CHD5: variants seen among roughly 807,000 people sequenced by gnomAD.
CHD5 encodes chromodomain helicase DNA binding protein 5.
A neutral mutation model predicts 230.3 loss-of-function variants in CHD5; 69 were observed. The ratio of observed to expected loss-of-function variants is 0.30; its 90% CI spans 0.25 to 0.37. The LOEUF (loss-of-function observed/expected upper bound fraction) is 0.37, where lower values mean the gene tolerates loss of function less well. CHD5 is among the 10% of genes least tolerant of loss of function. CHD5 has a pLI of 1.00. For missense variants in CHD5, 1,827 were observed against 2,622.8 expected, an observed-to-expected ratio of 0.70 and a Z score of 6.63; for synonymous variants, 1,064 against 1,065.9, an observed-to-expected ratio of 1.00 and a Z score of 0.03.
intron 17 of CHD5, 40 bp downstream of exon 17, chr1:6,136,477 G>C: frequency 6.2e-7 from 1 of 1,607,316 alleles, no homozygotes; most frequent in East Asian, 2.2e-5. Context: ...GGGCCACCCA[G>C]CCCCACCACC....
Position 6,128,847 on chromosome 1 carries a change from C to T in CHD5, c.3610G>A (p.Asp1204Asn), listed in dbSNP as rs868243347. The change falls in exon 23 of 42, where the codon GAC (aspartate) becomes AAC (asparagine). Residue 1204 changes from aspartate (D) to asparagine (N), a missense_variant. Physicochemically the swap from Asp to Asn is conservative, Grantham distance 23 (BLOSUM62 1). Transcript: ENST00000262450. This position sits in a 1 kb window ranked among gnomAD's most constrained non-coding sequence, Gnocchi z 7.8. ...CGGAACAGAGGCCCACCCTCCACGT[C>T]GTCCTTGAAGAGTTCCTCCGTGCCG... Reference protein sequence around the residue: ...KFGTEELFKDDVEGMMSQGQR... With the variant: ...KFGTEELFKDNVEGMMSQGQR... 1.9e-6 allele frequency: 3 copies of T among 1,608,670 alleles called. No homozygotes were observed. Among genetic ancestry groups the T allele is most frequent in the Non-Finnish European group, 1.7e-6 (2 of 1,176,298 alleles).
Position 6,150,245 on chromosome 1 carries a change from A to C in CHD5, c.994+787T>G, listed in dbSNP as rs540425610. Among the ~76,000 whole-genome samples the C allele has an allele frequency of 9.4e-5, 14 of 149,026 alleles. 1 individual carries two copies. The East Asian group carries it at 2.9e-3, about 31-fold the overall frequency. On this transcript the variant is annotated intron_variant, in intron 7 of 41. Coordinates refer to ENST00000262450, the MANE Select transcript of CHD5 (RefSeq NM_015557.3). ...GGATAATGGATGGACAAATGAATGG[A>C]TAACGGATGGACAATGGATGGATGG... is the stretch of plus-strand genomic sequence containing the variant.
In CHD5 at chr1:6,129,549, C is replaced by T. The variant is rs1048464842; in HGVS notation, c.3388-480G>A. Among the ~76,000 whole-genome samples the T allele has an allele frequency of 1.3e-5, 2 of 152,206 alleles. No individual in the cohort carries two copies. Among genetic ancestry groups the T allele is most frequent in the Non-Finnish European group, 2.9e-5 (2 of 68,024 alleles). ...ACAAGGAAGTGCCTGAGACTCTGTG[C>T]AGCCCTACATGAGGTGACCTGGGTG... On this transcript the variant is annotated intron_variant, in intron 22 of 41. Coordinates refer to ENST00000262450, the MANE Select transcript of CHD5 (RefSeq NM_015557.3). The surrounding 1 kb of genome is among the most constrained non-coding windows in gnomAD (Gnocchi z 6.8).
At chr1:6,164,456 ATGCTCAGG>A (rs1457941893) in intron 2 of CHD5, among the ~76,000 whole-genome samples, 1 of 152,106 alleles carries the variant, frequency 6.6e-6, no homozygotes, top group Non-Finnish European at 1.5e-5. Flanking sequence ...TCATCTACAT[ATGCTCAGG>A]TTCCGGCTGC....
intron 35 of CHD5, 49 bp from the exon 36 acceptor site, chr1:6,111,932 C>A (rs59788818): frequency 0.17 from 269,841 of 1,551,600 alleles, 25,234 homozygotes; most frequent in Middle Eastern, 0.26. Context: ...CCAGCTCTCA[C>A]GCACAGGCAG....
In CHD5 at chr1:6,109,940, G is replaced by A. The variant is rs771740047; in HGVS notation, c.5433C>T (p.Tyr1811=). Residue 1811 remains tyrosine (Y), a synonymous_variant, in exon 38 of 42, where the codon TAC becomes TAT. Transcript: ENST00000262450. ...VIEEQLRRAA[Y]LNMTQDPNHP... is the part of the protein sequence containing the mutation. ...GGTTGGGGTCCTGCGTCATGTTCAG[G>A]TACGCGGCCCTCCGGAGCTGCTCCT... is the stretch of plus-strand genomic sequence containing the variant. The A allele has an allele frequency of 6.3e-7, 1 of 1,595,278 alleles. No homozygotes were observed. The highest frequency in any genetic ancestry group is 8.5e-7 in the Non-Finnish European group (1 of 1,171,806).
chr1:6,119,266 C>CT (rs1274467085), intron 33 of CHD5, among the ~76,000 whole-genome samples: 2 of 151,792 alleles, frequency 1.3e-5, no homozygotes, highest in Admixed American at 6.6e-5. Flanking sequence ...GCCCGGCTAA[C>CT]TTTTTTGTAT....
rs1310458921 is a variant in CHD5, at chr1:6,142,581, G to A, written c.2068C>T (p.Pro690Ser). 2.5e-6 allele frequency: 4 copies of A among 1,613,050 alleles called. No homozygotes were observed. In the Admixed American group the frequency reaches 5.0e-5, roughly 20 times the overall value. The change falls in exon 14 of 42, where the codon CCA becomes TCA. Residue 690 changes from proline (P) to serine (S), a missense_variant. Pro to Ser is a moderately conservative substitution (Grantham distance 74). Around this residue, in one of 14 missense-constraint regions of CHD5, gnomAD observed 37 missense variants for 105.7 expected, o/e 0.35. Coordinates refer to ENST00000262450, the MANE Select transcript of CHD5 (RefSeq NM_015557.3). The surrounding 1 kb of genome is among the most constrained non-coding windows in gnomAD (Gnocchi z 5.2). The part of the protein sequence containing the change: ...VDPTVKFDKQ[P>S]WYIDSTGGTL... ...CCGCCTGTGGAGTCGATGTACCATG[G>A]CTGCTTGTCGAACTTGACCGTGGGC...
chr1:6,159,613 C>A, intron 2 of CHD5, 98 bp from the exon 3 acceptor site: 1 of 964,700 alleles, frequency 1.0e-6, no homozygotes, highest in Admixed American at 2.4e-5. Context: ...CTGGCCCACG[C>A]TGGGGATCGA....
intron 33 of CHD5, among the ~76,000 whole-genome samples, chr1:6,116,640 A>G (rs1422282523): frequency 6.6e-6 from 1 of 152,222 alleles, no homozygotes; most frequent in Admixed American, 6.5e-5. Context: ...TTCTCAGCAT[A>G]ATGAATGCCA....
At chr1:6,120,435 G>A (rs2038183) in intron 33 of CHD5, among the ~76,000 whole-genome samples, 54,065 of 150,442 alleles carry the variant, frequency 0.36, 10,674 homozygotes, top group East Asian at 0.79. Flanking sequence ...GTGGGAGGCC[G>A]AGGTGGGTGG....
chr1:6,112,416 G>T, intron 34 of CHD5, 139 bp from the exon 35 acceptor site: 1 of 1,094,832 alleles, frequency 9.1e-7, no homozygotes, highest in Non-Finnish European at 1.3e-6. Context: ...GCCCAGAAGG[G>T]TCTTAAACAA....
chr1:6,171,140 A>G (rs1667331642), intron 1 of CHD5, among the ~76,000 whole-genome samples: 1 of 152,196 alleles, frequency 6.6e-6, no homozygotes, highest in East Asian at 1.9e-4. Context: ...GGCCTGACCA[A>G]CAGAACGGAT....
At position 6,129,449 on chromosome 1, in the gene CHD5, G is replaced by A. The variant is rs901645070; in HGVS notation, c.3388-380C>T. Reference sequence around the variant, plus strand: ...TTCCCTGTGAGCGAACCACTAATGGGACCACAAGACCATGTGCTGGAGACA... The same window carrying A: ...TTCCCTGTGAGCGAACCACTAATGGAACCACAAGACCATGTGCTGGAGACA... On this transcript the variant is annotated intron_variant, in intron 22 of 41. Transcript: ENST00000262450. The surrounding 1 kb of genome is among the most constrained non-coding windows in gnomAD (Gnocchi z 6.8). Among the ~76,000 whole-genome samples, 2 of 152,152 alleles carry A rather than the reference G, an allele frequency of 1.3e-5. No homozygotes were observed. The highest frequency in any genetic ancestry group is 4.8e-5 in the African/African-American group (2 of 41,446).
intron 18 of CHD5, 118 bp downstream of exon 18, chr1:6,135,112 C>A: frequency 8.2e-7 from 1 of 1,219,870 alleles, no homozygotes; most frequent in Non-Finnish European, 1.2e-6. Context: ...GTATGCAAAG[C>A]ATTAGCCGAG....
chr1:6,147,285 A>C (rs1477487380), intron 9 of CHD5, among the ~76,000 whole-genome samples: 1 of 152,066 alleles, frequency 6.6e-6, no homozygotes, highest in African/African-American at 2.4e-5. Context: ...AGGTCACATC[A>C]CTGTGTGATC....
At chr1:6,150,909 C>G (rs894582151) in intron 7 of CHD5, 123 bp downstream of exon 7, 1 of 1,227,978 alleles carries the variant, frequency 8.1e-7, no homozygotes, top group African/African-American at 1.5e-5. Context: ...CTGCTTCCCA[C>G]GGGGAGGTTC....
At chr1:6,111,617 G>A (rs992118300) in intron 36 of CHD5, among the ~76,000 whole-genome samples, 158 bp downstream of exon 36, 3 of 152,062 alleles carry the variant, frequency 2.0e-5, no homozygotes, top group African/African-American at 2.4e-5. Flanking sequence ...GGCGGGGAGC[G>A]GGCGACACAG....
Position 6,124,722 on chromosome 1 carries a change from A to G in CHD5, c.4395-61T>C, listed in dbSNP as rs1246965957. 5.8e-6 allele frequency: 6 copies of G among 1,040,066 alleles called. No individual in the cohort carries two copies. In the Admixed American group the frequency reaches 1.3e-4, roughly 22 times the overall value. 64.4% of individuals were successfully genotyped at this position (1,040,066 alleles called of 1,614,324 possible). On this transcript the variant is annotated intron_variant, in intron 29 of 41. Coordinates refer to ENST00000262450, the MANE Select transcript of CHD5 (RefSeq NM_015557.3). ...GGGGGGCCGGCAAGAACCCTCTGAG[A>G]GGGCTGGCAGGACCCCAGGGGAACT...
Sources: allele counts gnomAD v4.1 joint callset (sites outside exome capture counted in the v4.1 genomes callset), GRCh38; gene constraint gnomAD v4.1.1; regional missense constraint gnomAD v4.1.1; non-coding constraint Gnocchi (gnomAD v3.1); transcripts MANE v1.5; gene names NCBI Gene and HGNC (gene_info 2026-07-23, HGNC 2026-07-21).